The following PLCL1 variants were observed in gnomAD, a reference collection of about 807,000 sequenced individuals.
PLCL1 encodes the protein inactive phospholipase C-like protein 1.
PLCL1 carries 41 observed loss-of-function variants against 84.4 expected under a neutral mutation model. The ratio of observed to expected loss-of-function variants is 0.49; its 90% CI spans 0.38 to 0.63. PLCL1 has a LOEUF of 0.63. PLCL1 is among the 30% of genes least tolerant of loss of function. The pLI is 0.00. For synonymous variants in PLCL1, 490 were observed against 488.3 expected (o/e 1.00, Z -0.05); for missense variants, 1,206 against 1,367.8 (o/e 0.88, Z 1.87).
intron 4 of PLCL1, among the ~76,000 whole-genome samples, chr2:198,101,711 A>G (rs756469723): frequency 2.6e-5 from 4 of 152,000 alleles, no homozygotes; most frequent in Non-Finnish European, 5.9e-5. Flanking sequence ...ACCCACTTCA[A>G]TTTTACAATT....
chr2:197,844,774 G>T (rs1281794124), intron 1 of PLCL1, among the ~76,000 whole-genome samples: 2 of 152,038 alleles, frequency 1.3e-5, no homozygotes, highest in East Asian at 1.9e-4. Context: ...CTAGTTTGTT[G>T]TAGGATTAAA....
intron 1 of PLCL1, among the ~76,000 whole-genome samples, chr2:198,029,499 T>G (rs74484541): frequency 2.0e-5 from 3 of 151,884 alleles, no homozygotes; most frequent in Admixed American, 2.0e-4. Flanking sequence ...GTTATCTCTA[T>G]ACCCCGAAGA....
intron 2 of PLCL1, among the ~76,000 whole-genome samples, chr2:198,087,833 A>G (rs1450558780): frequency 6.6e-6 from 1 of 152,182 alleles, no homozygotes; most frequent in Non-Finnish European, 1.5e-5. Context: ...CAAAAGTTAA[A>G]AATTAAAGAA....
At chr2:198,046,481 T>A (rs1223357862) in intron 1 of PLCL1, among the ~76,000 whole-genome samples, 1 of 152,080 alleles carries the variant, frequency 6.6e-6, no homozygotes, top group Non-Finnish European at 1.5e-5. Flanking sequence ...AGATAAGACA[T>A]AAATAAGTAA....
chr2:198,023,625 G>A (rs753562883), intron 1 of PLCL1, among the ~76,000 whole-genome samples: 1 of 152,106 alleles, frequency 6.6e-6, no homozygotes, highest in African/African-American at 2.4e-5. Context: ...ACATTTATTC[G>A]GCCAATGAAC....
At chr2:198,093,781 A>G (rs1329307459) in intron 3 of PLCL1, among the ~76,000 whole-genome samples, 1 of 152,196 alleles carries the variant, frequency 6.6e-6, no homozygotes, top group East Asian at 1.9e-4. Flanking sequence ...TTCAGTATGG[A>G]AAGAAAGAAA....
At chr2:197,993,975 G>A (rs961076700) in intron 1 of PLCL1, among the ~76,000 whole-genome samples, 1 of 152,156 alleles carries the variant, frequency 6.6e-6, no homozygotes, top group African/African-American at 2.4e-5. Context: ...CAAACCACAG[G>A]CTTTTCTCTG....
In PLCL1 at chr2:198,081,016, A is replaced by G. The variant is rs35828708; in HGVS notation, c.241-2742A>G. Among the ~76,000 whole-genome samples the G allele has an allele frequency of 2.5e-3, 382 of 152,336 alleles. 1 individual carries two copies. Among genetic ancestry groups the G allele is most frequent in the Non-Finnish European group, 2.4e-3 (163 of 68,028 alleles). On this transcript the variant is annotated intron_variant, in intron 1 of 5. Transcript: ENST00000428675. ...ATGGCAGAGAAGAGCCTTGTAAGAG[A>G]AAGCTATTCTGACATGAGTGGTTTT...
intron 1 of PLCL1, among the ~76,000 whole-genome samples, chr2:198,065,779 G>A (rs1457722929): frequency 6.6e-6 from 1 of 152,158 alleles, no homozygotes; most frequent in Non-Finnish European, 1.5e-5. Context: ...TGGATACAAA[G>A]TTAGATGTAA....
chr2:197,906,444 A>C (rs1337061687), intron 1 of PLCL1, among the ~76,000 whole-genome samples: 1 of 151,708 alleles, frequency 6.6e-6, no homozygotes, highest in East Asian at 1.9e-4. Context: ...TACCAGTACT[A>C]TGCTGTTGTG....
intron 1 of PLCL1, among the ~76,000 whole-genome samples, chr2:198,036,100 T>C (rs1005697761): frequency 6.6e-6 from 1 of 152,226 alleles, no homozygotes; most frequent in Non-Finnish European, 1.5e-5. Flanking sequence ...ACCATAGTAA[T>C]GGTTGTTTGA....
At chr2:198,111,209 C>A (rs1398683752) in intron 5 of PLCL1, among the ~76,000 whole-genome samples, 2 of 151,838 alleles carry the variant, frequency 1.3e-5, no homozygotes, top group Non-Finnish European at 2.9e-5. Flanking sequence ...GCTTGTACTA[C>A]ATGTCCATCA....
chr2:198,005,046 A>C (rs77799794), intron 1 of PLCL1, among the ~76,000 whole-genome samples: 5,245 of 152,302 alleles, frequency 0.034, 302 homozygotes, highest in African/African-American at 0.12. Context: ...AAGATAGCTT[A>C]GTGAAAATAA....
Position 197,926,270 on chromosome 2 carries a change from G to A in PLCL1, c.240+120931G>A, listed in dbSNP as rs111521543. On this transcript the variant is annotated intron_variant, in intron 1 of 5. Transcript: ENST00000428675. ...TTTTGTAGTAGAGACTCAGGAATAA[G>A]TAGTGACACATAGACAGAAAACATC... Among the ~76,000 whole-genome samples, 845 of 152,266 alleles carry A rather than the reference G, an allele frequency of 5.5e-3. 4 individuals are homozygous for A. Among genetic ancestry groups the A allele is most frequent in the African/African-American group, 0.019 (810 of 41,548 alleles).
At chr2:197,970,328 C>A (rs1298272060) in intron 1 of PLCL1, among the ~76,000 whole-genome samples, 1 of 152,160 alleles carries the variant, frequency 6.6e-6, no homozygotes, top group Non-Finnish European at 1.5e-5. Context: ...ATGACAATAG[C>A]ATTAATCCAT....
In PLCL1 at chr2:198,146,800, G is replaced by A. The variant is rs1232881166; in HGVS notation, c.3126G>A (p.Lys1042=). The A allele has an allele frequency of 1.2e-6, 2 of 1,612,580 alleles. No individual in the cohort carries two copies. Among genetic ancestry groups the A allele is most frequent in the African/African-American group, 2.7e-5 (2 of 74,872 alleles). ...TVLKGQGDLL[K]NAKNEAIENM... is the part of the protein sequence containing the mutation. Reference sequence around the variant, plus strand: ...TGTAGGGCCAAGGAGATCTGTTGAAGAATGCCAAGAATGAAGCTATAGAAA... The same window carrying A: ...TGTAGGGCCAAGGAGATCTGTTGAAAAATGCCAAGAATGAAGCTATAGAAA... The change falls in exon 6 of 6, where the codon AAG becomes AAA. Residue 1042 remains lysine (K), a synonymous_variant. Coordinates refer to ENST00000428675, the MANE Select transcript of PLCL1 (RefSeq NM_006226.4).
chr2:197,905,727 A>G (rs1482664800), intron 1 of PLCL1, among the ~76,000 whole-genome samples: 1 of 152,226 alleles, frequency 6.6e-6, no homozygotes, highest in Non-Finnish European at 1.5e-5. Context: ...CCTTGCCAGC[A>G]TCTGTTGTTT....
chr2:198,117,989 A>G (rs1574325085), intron 5 of PLCL1, among the ~76,000 whole-genome samples: 2 of 151,992 alleles, frequency 1.3e-5, no homozygotes, highest in East Asian at 1.9e-4. Flanking sequence ...TATGTGTTAT[A>G]TCATAGGCTC....
chr2:197,892,629 C>G (rs888128255), intron 1 of PLCL1, among the ~76,000 whole-genome samples: 7 of 152,116 alleles, frequency 4.6e-5, no homozygotes, highest in African/African-American at 1.7e-4. Flanking sequence ...TTTTGTTGTT[C>G]TTCTTTGTAC....
Sources: gnomAD v4.1 joint callset for allele counts (sites outside exome capture counted in the v4.1 genomes callset) on GRCh38, gnomAD v4.1.1 for gene constraint, MANE v1.5 for transcripts, NCBI Gene and HGNC (gene_info 2026-07-23, HGNC 2026-07-21) for gene names.